The following LAMA2 variants were observed in gnomAD, a reference collection of about 807,000 sequenced individuals.
LAMA2 encodes the protein laminin subunit alpha-2.
Under a neutral mutation model 364.8 loss-of-function variants are expected in LAMA2, and 269 were observed. That is an observed-to-expected ratio of 0.74 (90% CI 0.67 to 0.82). LAMA2 has a LOEUF of 0.82. LAMA2 is among the 40% of genes least tolerant of loss of function. LAMA2 has a pLI of 0.00. For missense variants in LAMA2, 3,807 were observed against 3,873.2 expected, an observed-to-expected ratio of 0.98 and a Z score of 0.45; for synonymous variants, 1,379 against 1,370.6, an observed-to-expected ratio of 1.01 and a Z score of -0.14.
chr6:129,420,198 C>A (rs1781008313), intron 40 of LAMA2, among the ~76,000 whole-genome samples: 1 of 152,024 alleles, frequency 6.6e-6, no homozygotes, highest in South Asian at 2.1e-4. Flanking sequence ...TGGGAATGAA[C>A]ATCACATACG....
At chr6:129,440,680 ATG>A (rs1192944018) in intron 42 of LAMA2, 134 bp from the exon 43 acceptor site, 1 of 805,718 alleles carries the variant, frequency 1.2e-6, no homozygotes, top group Non-Finnish European at 2.1e-6. Flanking sequence ...CTACACCTGA[ATG>A]AGACAAAGTT....
Position 129,066,287 on chromosome 6 carries a change from C to T in LAMA2, c.396+6391C>T, listed in dbSNP as rs569531231. On this transcript the variant is annotated intron_variant, in intron 3 of 64. Coordinates refer to ENST00000421865, the MANE Select transcript of LAMA2 (RefSeq NM_000426.4). ...GTCTCGATCTCCTGACCTCGTGATC[C>T]GCCCGCCTCGGCCTCCCAAAGTGCT... Among the ~76,000 whole-genome samples the T allele has an allele frequency of 1.5e-4, 23 of 151,396 alleles. No individual in the cohort carries two copies. In the South Asian group the frequency reaches 3.8e-3, roughly 25 times the overall value.
At chr6:129,121,371 C>A (rs1382798069) in intron 4 of LAMA2, among the ~76,000 whole-genome samples, 1 of 152,134 alleles carries the variant, frequency 6.6e-6, no homozygotes, top group African/African-American at 2.4e-5. Flanking sequence ...TACAGACAGA[C>A]TCTCTTGATG....
At chr6:128,929,160 G>C (rs1349824857) in intron 1 of LAMA2, 21 of 1,437,908 alleles carry the variant, frequency 1.5e-5, no homozygotes, top group Middle Eastern at 2.1e-4. Context: ...TCCAATGGCC[G>C]GTAGATAAAA....
intron 45 of LAMA2, among the ~76,000 whole-genome samples, chr6:129,448,064 G>GA (rs1212670854): frequency 6.6e-6 from 1 of 152,180 alleles, no homozygotes; most frequent in Admixed American, 6.5e-5. Context: ...GAGGCAGGCA[G>GA]ATTGCATGAA....
At chr6:128,959,849 G>GA (rs1181431506) in intron 1 of LAMA2, among the ~76,000 whole-genome samples, 1 of 151,248 alleles carries the variant, frequency 6.6e-6, no homozygotes, top group Non-Finnish European at 1.5e-5. Context: ...CTTGACCCTT[G>GA]AAAAAATGTA....
At position 129,397,091 on chromosome 6, in the gene LAMA2, AAAAAG is replaced by A. The variant is rs1192617592; in HGVS notation, c.5445+3840_5445+3844del. Among the ~76,000 whole-genome samples, 5 of 152,220 alleles carry A rather than the reference AAAAAG, an allele frequency of 3.3e-5. No homozygotes were observed. In the East Asian group the frequency reaches 9.6e-4, roughly 29 times the overall value. On this transcript the variant is annotated intron_variant, in intron 37 of 64. Transcript: ENST00000421865. ...AATCTACCACACCAACACACCAAAA[AAAAAG>A]AAAGAAAGAAAAAGAAAGTGTCCAA...
intron 9 of LAMA2, among the ~76,000 whole-genome samples, chr6:129,170,755 T>C (rs954380178): frequency 6.6e-6 from 1 of 151,934 alleles, no homozygotes; most frequent in African/African-American, 2.4e-5. Context: ...CGTTGATCTG[T>C]CTAATGTTGA....
intron 1 of LAMA2, chr6:128,929,189 G>A (rs2114509407): frequency 6.7e-7 from 1 of 1,486,990 alleles, no homozygotes; most frequent in African/African-American, 1.4e-5. Context: ...GATAGTTACA[G>A]AGGCAAGAGC....
intron 4 of LAMA2, among the ~76,000 whole-genome samples, chr6:129,099,043 A>AT (rs1186748056): frequency 1.0e-4 from 15 of 150,046 alleles, no homozygotes; most frequent in Admixed American, 3.3e-4. Context: ...TCATTCATTG[A>AT]TTTTAAGCCA....
chr6:128,992,179 T>G (rs1337433078), intron 1 of LAMA2, among the ~76,000 whole-genome samples: 5 of 152,244 alleles, frequency 3.3e-5, no homozygotes, highest in African/African-American at 1.2e-4. Context: ...CAGCAATTCG[T>G]GCTCTGACTC....
intron 40 of LAMA2, among the ~76,000 whole-genome samples, chr6:129,413,005 G>T (rs1780610761): frequency 6.6e-6 from 1 of 152,146 alleles, no homozygotes; most frequent in African/African-American, 2.4e-5. Context: ...AGGTTACTAT[G>T]ATTTTCATAT....
At chr6:129,367,096 G>C (rs971620174) in intron 33 of LAMA2, among the ~76,000 whole-genome samples, 1 of 152,206 alleles carries the variant, frequency 6.6e-6, no homozygotes, top group African/African-American at 2.4e-5. Context: ...GCTAGAACTA[G>C]TAGACCTTTA....
At position 129,300,836 on chromosome 6, in the gene LAMA2, C is replaced by A; in HGVS notation, c.3138C>A (p.Pro1046=). ...TIGEKCSKCA[P]NTWGHSITTG... is the part of the protein sequence containing the mutation. ...GAGAGAAATGTTCTAAATGTGCACC[C>A]AATACCTGGGGCCACAGCATTACCA... Residue 1046 remains proline (P), a synonymous_variant, in exon 22 of 65, where the codon CCC becomes CCA. Coordinates refer to ENST00000421865, the MANE Select transcript of LAMA2 (RefSeq NM_000426.4). 1 of 1,613,828 alleles carries A rather than the reference C, an allele frequency of 6.2e-7. No homozygotes were observed. The highest frequency in any genetic ancestry group is 8.5e-7 in the Non-Finnish European group (1 of 1,179,776).
chr6:128,942,538 A>G (rs1053146000), intron 1 of LAMA2, among the ~76,000 whole-genome samples: 4 of 152,182 alleles, frequency 2.6e-5, no homozygotes, highest in African/African-American at 9.7e-5. Context: ...AATAGATTCT[A>G]AAAGTATTTG....
intron 3 of LAMA2, among the ~76,000 whole-genome samples, chr6:129,061,659 G>C (rs1168260970): frequency 3.3e-5 from 5 of 152,122 alleles, no homozygotes; most frequent in African/African-American, 1.2e-4. Context: ...ATGTGGATTT[G>C]TCGTTCTGTT....
At position 128,904,875 on chromosome 6, in the gene LAMA2, G is replaced by T. The variant is rs1582638862; in HGVS notation, c.112+21518G>T. Reference sequence around the variant, plus strand: ...CATTGTTAATTTAGTTAAAGGAAAAGGCTGCTGTTGAAGGTTAGACTTCTT... The same window carrying T: ...CATTGTTAATTTAGTTAAAGGAAAATGCTGCTGTTGAAGGTTAGACTTCTT... On this transcript the variant is annotated intron_variant, in intron 1 of 64. Transcript: ENST00000421865. Among the ~76,000 whole-genome samples the T allele has an allele frequency of 2.0e-5, 3 of 152,176 alleles. No individual in the cohort carries two copies. The South Asian group carries it at 6.2e-4, about 31-fold the overall frequency.
At chr6:129,487,301 AATGCTGCAATACTTT>A (rs1275863980) in intron 56 of LAMA2, among the ~76,000 whole-genome samples, 4 of 152,200 alleles carry the variant, frequency 2.6e-5, no homozygotes, top group Non-Finnish European at 5.9e-5. Context: ...CTTTCTTTAG[AATGCTGCAATACTTT>A]ATACTTACTT....
chr6:128,970,869 T>C (rs1424664285), intron 1 of LAMA2, among the ~76,000 whole-genome samples: 1 of 152,204 alleles, frequency 6.6e-6, no homozygotes, highest in Non-Finnish European at 1.5e-5. Context: ...GATAGCTACA[T>C]GTGTCTCTAG....
Sources: gnomAD v4.1 joint callset for allele counts (sites outside exome capture counted in the v4.1 genomes callset) on GRCh38, gnomAD v4.1.1 for gene constraint, MANE v1.5 for transcripts, NCBI Gene and HGNC (gene_info 2026-07-23, HGNC 2026-07-21) for gene names.